AGO1: variants seen among roughly 807,000 people sequenced by gnomAD.
The protein encoded by AGO1 is argonaute RISC component 1.
Under a neutral mutation model 109.2 loss-of-function variants are expected in AGO1, and 11 were observed. That is an observed-to-expected ratio of 0.10 (90% CI 0.06 to 0.17). AGO1 has a LOEUF of 0.17. Ranked by LOEUF, AGO1 falls within the 10% of genes least tolerant of loss-of-function variation. The probability of loss-of-function intolerance (pLI) is 1.00; values close to 1 mark genes in which losing one functional copy is unlikely to be tolerated. For missense variants in AGO1, 574 were observed against 1,140.3 expected (o/e 0.50, Z 7.15); for synonymous variants, 422 against 418.6 (o/e 1.01, Z -0.10).
chr1:35,909,074 T>TC (rs1645584336), intron 12 of AGO1, among the ~76,000 whole-genome samples: 1 of 152,102 alleles, frequency 6.6e-6, no homozygotes, highest in Non-Finnish European at 1.5e-5. Flanking sequence ...CGCCTCGGCC[T>TC]CCCAAAGTGC....
At chr1:35,899,721 T>C (rs1465566649) in intron 8 of AGO1, among the ~76,000 whole-genome samples, 1 of 152,240 alleles carries the variant, frequency 6.6e-6, no homozygotes, top group African/African-American at 2.4e-5. Context: ...TTCCCATTGT[T>C]TACCATGAAC....
chr1:35,884,048 G>A (rs991671639), intron 1 of AGO1, among the ~76,000 whole-genome samples: 2 of 152,210 alleles, frequency 1.3e-5, no homozygotes, highest in South Asian at 4.1e-4. Context: ...GCTGCCCGAC[G>A]TGGTGGGGGC....
At chr1:35,902,610 G>A (rs1232592546) in intron 11 of AGO1, among the ~76,000 whole-genome samples, 2 of 152,236 alleles carry the variant, frequency 1.3e-5, no homozygotes, top group African/African-American at 4.8e-5. Context: ...TATTATCATT[G>A]GTAATAAATA....
At chr1:35,886,992 T>C (rs1220125263) in intron 1 of AGO1, among the ~76,000 whole-genome samples, 1 of 152,192 alleles carries the variant, frequency 6.6e-6, no homozygotes, top group South Asian at 2.1e-4. Context: ...TGTCTGTCTG[T>C]CCGTGAGCTT....
intron 1 of AGO1, among the ~76,000 whole-genome samples, chr1:35,871,995 G>A (rs1167115761): frequency 2.0e-5 from 3 of 149,664 alleles, no homozygotes; most frequent in Non-Finnish European, 4.5e-5. Flanking sequence ...GCATGAACCC[G>A]GGAGGCAGAG....
chr1:35,893,870 C>T lies in AGO1; in HGVS notation c.649+60C>T, dbSNP rs60245176. ...CAAGTCCAGTGACCACACTCCCAGC[C>T]TCATCCCTCCCAGCTCTGCAACCAC... On this transcript the variant is annotated intron_variant, in intron 5 of 18. Coordinates refer to ENST00000373204, the MANE Select transcript of AGO1 (RefSeq NM_012199.5). The surrounding 1 kb of genome is among the most constrained non-coding windows in gnomAD (Gnocchi z 5.6). 1 of 1,571,164 alleles carries T rather than the reference C, an allele frequency of 6.4e-7. No individual in the cohort carries two copies. Among genetic ancestry groups the T allele is most frequent in the Non-Finnish European group, 8.7e-7 (1 of 1,154,562 alleles).
At chr1:35,894,457 TA>T in intron 7 of AGO1, 55 bp downstream of exon 7, 1 of 1,550,404 alleles carries the variant, frequency 6.4e-7, no homozygotes. Flanking sequence ...GGCTGAGATT[TA>T]AAACTATCTT....
chr1:35,905,357 GATA>G (rs1475516038), intron 11 of AGO1, among the ~76,000 whole-genome samples: 1 of 152,136 alleles, frequency 6.6e-6, no homozygotes, highest in African/African-American at 2.4e-5. Context: ...ATTTTTTTAA[GATA>G]ATAAATGTAG....
chr1:35,919,496 C>T lies in AGO1; in HGVS notation c.2466-3C>T, dbSNP rs1329436475. ...AGGACTTCTTTCATTTTTTCCTTTT[C>T]AGTGGAGAGGGGAGCCACATATCGG... On this transcript the variant is annotated splice_polypyrimidine_tract_variant and splice_region_variant and intron_variant, in intron 18 of 18. Coordinates refer to ENST00000373204, the MANE Select transcript of AGO1 (RefSeq NM_012199.5). This position sits in a 1 kb window ranked among gnomAD's most constrained non-coding sequence, Gnocchi z 6.6. 6.2e-7 allele frequency: 1 copy of T among 1,611,168 alleles called. No individual in the cohort carries two copies.
At position 35,883,852 on chromosome 1, in the gene AGO1, G is replaced by A. The variant is rs1645072740; in HGVS notation, c.25+406G>A. ...CGGGGGCGGGGGCTCCGCTGGGCTG[G>A]AATAGGCTAATGTCTCTTGGGAGAA... On this transcript the variant is annotated intron_variant, in intron 1 of 18. Transcript: ENST00000373204. This position sits in a 1 kb window ranked among gnomAD's most constrained non-coding sequence, Gnocchi z 5.4. 6.6e-6 allele frequency among the ~76,000 whole-genome samples: 1 copy of A among 152,222 alleles called. No individual in the cohort carries two copies. The highest frequency in any genetic ancestry group is 2.1e-4 in the South Asian group (1 of 4,838).
At position 35,893,973 on chromosome 1, in the gene AGO1, C is replaced by A; in HGVS notation, c.650-64C>A. On this transcript the variant is annotated intron_variant, in intron 5 of 18. Coordinates refer to ENST00000373204, the MANE Select transcript of AGO1 (RefSeq NM_012199.5). The surrounding 1 kb of genome is among the most constrained non-coding windows in gnomAD (Gnocchi z 5.6). ...CCTTTAAGGAAGAGGGTATAAATTG[C>A]TGTGCCTCCATGTATTGTGGAAGAC... 1 of 1,522,370 alleles carries A rather than the reference C, an allele frequency of 6.6e-7. No homozygotes were observed. The highest frequency in any genetic ancestry group is 8.8e-7 in the Non-Finnish European group (1 of 1,133,286). The allele number at this position is 1,522,370 out of a possible 1,614,324, so 94.3% of individuals were successfully genotyped here. A position where few individuals can be genotyped will look rare whatever the true frequency, so the allele number is the denominator to read the frequency against.
rs765055734 is a variant in AGO1, at chr1:35,927,231, A to C, written c.*7624A>C. 6.6e-6 allele frequency: 1 copy of C among 152,276 alleles called. No individual in the cohort carries two copies. Among genetic ancestry groups the C allele is most frequent in the East Asian group, 1.9e-4 (1 of 5,178 alleles). The allele number at this position is 152,276 out of a possible 1,614,324, so 9.4% of individuals were successfully genotyped here. A position where few individuals can be genotyped will look rare whatever the true frequency, so the allele number is the denominator to read the frequency against. ...ATCTTTACATGCGAAATAGTTTATC[A>C]GTTATCTTCAATTGCATATTACAAA... On this transcript the variant is annotated 3_prime_UTR_variant, in exon 19 of 19. Coordinates refer to ENST00000373204, the MANE Select transcript of AGO1 (RefSeq NM_012199.5).
intron 8 of AGO1, among the ~76,000 whole-genome samples, chr1:35,900,779 G>A (rs1019130998): frequency 6.6e-5 from 10 of 151,518 alleles, no homozygotes; most frequent in African/African-American, 1.9e-4. Context: ...GCATGGTGGC[G>A]GGTGCCTGTA....
chr1:35,911,685 T>A (rs544078459), intron 12 of AGO1, among the ~76,000 whole-genome samples: 7 of 152,334 alleles, frequency 4.6e-5, no homozygotes, highest in African/African-American at 1.7e-4. Flanking sequence ...TCAAATCTCT[T>A]CCATTGAAAG....
intron 1 of AGO1, among the ~76,000 whole-genome samples, chr1:35,876,271 G>GTT (rs547889113): frequency 1.8e-4 from 26 of 142,552 alleles, no homozygotes; most frequent in Admixed American, 3.5e-4. Flanking sequence ...TTTGTTTTTT[G>GTT]TTTTTTTTTT....
intron 11 of AGO1, among the ~76,000 whole-genome samples, chr1:35,905,564 T>A (rs1052511886): frequency 3.9e-5 from 6 of 152,108 alleles, no homozygotes; most frequent in African/African-American, 1.4e-4. Flanking sequence ...GCCTCCTGTT[T>A]CATGTGATTC....
chr1:35,883,313 G>C lies in AGO1; in HGVS notation c.-109G>C, dbSNP rs918304981. The C allele has an allele frequency of 4.0e-6, 6 of 1,495,694 alleles. No individual in the cohort carries two copies. Among genetic ancestry groups the C allele is most frequent in the African/African-American group, 2.9e-5 (2 of 68,844 alleles). 92.7% of individuals were successfully genotyped at this position (1,495,694 alleles called of 1,614,324 possible). A position where few individuals can be genotyped will look rare whatever the true frequency, so the allele number is the denominator to read the frequency against. On this transcript the variant is annotated 5_prime_UTR_variant, in exon 1 of 19. Coordinates refer to ENST00000373204, the MANE Select transcript of AGO1 (RefSeq NM_012199.5). This position sits in a 1 kb window ranked among gnomAD's most constrained non-coding sequence, Gnocchi z 5.4. Reference sequence around the variant, plus strand: ...GCGCGAGCGGCCGGGCTTGGTAGGGGAGCCGAGCCCGGCCCGGGATCCCGA... The same window carrying C: ...GCGCGAGCGGCCGGGCTTGGTAGGGCAGCCGAGCCCGGCCCGGGATCCCGA...
intron 11 of AGO1, among the ~76,000 whole-genome samples, chr1:35,905,417 A>G (rs1645501435): frequency 6.6e-6 from 1 of 152,146 alleles, no homozygotes; most frequent in Non-Finnish European, 1.5e-5. Flanking sequence ...ATCCTTTTTT[A>G]AATGTAAATA....
intron 2 of AGO1, among the ~76,000 whole-genome samples, chr1:35,889,326 G>A (rs1361751113): frequency 6.6e-6 from 1 of 151,060 alleles, no homozygotes; most frequent in Non-Finnish European, 1.5e-5. Context: ...CTATTCTCCT[G>A]GCTCAGCCTC....
Sources: gnomAD v4.1 joint callset for allele counts (sites outside exome capture counted in the v4.1 genomes callset) on GRCh38, gnomAD v4.1.1 for gene constraint, Gnocchi (gnomAD v3.1) non-coding constraint, MANE v1.5 for transcripts, NCBI Gene and HGNC (gene_info 2026-07-23, HGNC 2026-07-21) for gene names.